BPTF: variants seen among roughly 807,000 people sequenced by gnomAD.
The protein encoded by BPTF is nucleosome-remodeling factor subunit BPTF.
Under a neutral mutation model 292.5 loss-of-function variants are expected in BPTF, and 18 were observed. That is an observed-to-expected ratio of 0.06 (90% CI 0.04 to 0.09). The LOEUF (loss-of-function observed/expected upper bound fraction) is 0.09, where lower values mean the gene tolerates loss of function less well. Ranked by LOEUF, BPTF falls within the 10% of genes least tolerant of loss-of-function variation. The pLI, the probability that BPTF is intolerant of heterozygous loss-of-function variation, is 1.00. For missense variants in BPTF, 2,726 were observed against 3,498.7 expected (o/e 0.78, Z 5.57); for synonymous variants, 1,225 against 1,251.9 (o/e 0.98, Z 0.45).
intron 23 of BPTF, among the ~76,000 whole-genome samples, chr17:67,957,549 A>T (rs116115857): frequency 0.015 from 2,219 of 152,310 alleles, 58 homozygotes; most frequent in African/African-American, 0.05. Flanking sequence ...AAGAATTTTT[A>T]AAAAAATTTT....
At chr17:67,863,347 C>T (rs189378346) in intron 2 of BPTF, among the ~76,000 whole-genome samples, 239 of 152,224 alleles carry the variant, frequency 1.6e-3, no homozygotes, top group African/African-American at 5.3e-3. Context: ...TGCAGTGGCA[C>T]GATCTCGGCT....
At position 67,945,460 on chromosome 17, in the gene BPTF, A is replaced by C. The variant is rs782497289; in HGVS notation, c.6752A>C (p.Gln2251Pro). 1.5e-5 allele frequency: 24 copies of C among 1,613,996 alleles called. No individual in the cohort carries two copies. The highest frequency in any genetic ancestry group is 1.9e-5 in the Non-Finnish European group (23 of 1,180,016). ...SKLSPQMQVH[Q>P]DKTLPPAQSS... ...CTGTCACCCCAGATGCAGGTACATC[A>C]AGACAAAACCCTGCCACCAGCTCAG... Residue 2251 changes from glutamine to proline, a missense_variant, in exon 21 of 28, where the codon CAA becomes CCA. Physicochemically the swap from Gln to Pro is moderately conservative, Grantham distance 76 (BLOSUM62 -1). This residue lies in a region of BPTF where 570 missense variants were observed against 633.5 expected (regional missense o/e 0.90). Transcript: ENST00000306378.
chr17:67,826,487 G>C, intron 1 of BPTF, 150 bp downstream of exon 1: 1 of 870,638 alleles, frequency 1.1e-6, no homozygotes, highest in Non-Finnish European at 1.6e-6. Flanking sequence ...ACATCAAGTG[G>C]CAAAAAACTA....
At chr17:67,944,869 C>G (rs1555673640) in intron 20 of BPTF, among the ~76,000 whole-genome samples, 1 of 152,062 alleles carries the variant, frequency 6.6e-6, no homozygotes. Context: ...GAGGCTGCAA[C>G]TTACTTTGGA....
At chr17:67,846,335 G>A (rs2058029374) in intron 1 of BPTF, among the ~76,000 whole-genome samples, 1 of 152,152 alleles carries the variant, frequency 6.6e-6, no homozygotes, top group Non-Finnish European at 1.5e-5. Context: ...TTTTAGCTTT[G>A]TGTTGACAAC....
intron 1 of BPTF, among the ~76,000 whole-genome samples, chr17:67,834,864 G>A (rs2057002350): frequency 6.6e-6 from 1 of 152,054 alleles, no homozygotes; most frequent in South Asian, 2.1e-4. Flanking sequence ...TTCTTTTCAC[G>A]CTCTATACTG....
intron 1 of BPTF, among the ~76,000 whole-genome samples, chr17:67,827,367 G>A (rs2056180115): frequency 1.3e-5 from 2 of 152,076 alleles, no homozygotes; most frequent in African/African-American, 4.8e-5. Context: ...TTTTCTCACA[G>A]AAAGTTTCTC....
chr17:67,927,802 G>A (rs559992438), intron 15 of BPTF, among the ~76,000 whole-genome samples: 2 of 152,192 alleles, frequency 1.3e-5, no homozygotes, highest in Non-Finnish European at 2.9e-5. Flanking sequence ...GTGGTATAGA[G>A]ACATGAAAAT....
At position 67,944,386 on chromosome 17, in the gene BPTF, T is replaced by C; in HGVS notation, c.6700+14T>C. 6.2e-7 allele frequency: 1 copy of C among 1,609,762 alleles called. No homozygotes were observed. Among genetic ancestry groups the C allele is most frequent in the Non-Finnish European group, 8.5e-7 (1 of 1,179,656 alleles). On this transcript the variant is annotated intron_variant, in intron 20 of 27. Coordinates refer to ENST00000306378, the MANE Select transcript of BPTF (RefSeq NM_182641.4). ...CGACAGCAGCAGGTAGAGCTGTGGG[T>C]TTATCGGAAATGTCGGATGTTACTA...
chr17:67,931,583 A>G (rs770066938), intron 17 of BPTF, among the ~76,000 whole-genome samples: 5 of 152,236 alleles, frequency 3.3e-5, no homozygotes, highest in Non-Finnish European at 5.9e-5. Context: ...TCTGGAGCTT[A>G]CAGAAAGTGC....
intron 9 of BPTF, among the ~76,000 whole-genome samples, chr17:67,907,276 A>G (rs1323482444): frequency 6.9e-6 from 1 of 144,950 alleles, no homozygotes; most frequent in East Asian, 2.0e-4. Flanking sequence ...TTTTTTTGTA[A>G]TTATTATGGG....
At chr17:67,898,301 C>T (rs1490342469) in intron 7 of BPTF, among the ~76,000 whole-genome samples, 2 of 152,128 alleles carry the variant, frequency 1.3e-5, no homozygotes, top group Non-Finnish European at 2.9e-5. Context: ...GCAGAGGTTG[C>T]AATGAGCTGA....
chr17:67,931,449 T>G (rs1251465360), intron 17 of BPTF, among the ~76,000 whole-genome samples: 7 of 152,174 alleles, frequency 4.6e-5, no homozygotes, highest in Admixed American at 4.6e-4. Flanking sequence ...CATTCCATCT[T>G]GGGCAACAGA....
intron 1 of BPTF, among the ~76,000 whole-genome samples, chr17:67,837,132 C>G (rs889136554): frequency 6.6e-6 from 1 of 152,070 alleles, no homozygotes; most frequent in Non-Finnish European, 1.5e-5. Flanking sequence ...TGAAGTGCCC[C>G]CCTTTTTATT....
chr17:67,845,515 G>A (rs1485496170), intron 1 of BPTF, among the ~76,000 whole-genome samples: 3 of 152,210 alleles, frequency 2.0e-5, no homozygotes, highest in Non-Finnish European at 2.9e-5. Flanking sequence ...GTTCACGCTT[G>A]TAATCCTAGC....
intron 15 of BPTF, 110 bp from the exon 16 acceptor site, chr17:67,928,245 G>A: frequency 8.6e-7 from 1 of 1,156,412 alleles, no homozygotes; most frequent in Non-Finnish European, 1.2e-6. Context: ...CTTCAGAAAT[G>A]TAGTGGAATT....
At chr17:67,826,929 A>G (rs751841332) in intron 1 of BPTF, among the ~76,000 whole-genome samples, 3 of 152,120 alleles carry the variant, frequency 2.0e-5, no homozygotes, top group Non-Finnish European at 4.4e-5. Context: ...GGGGAACCTT[A>G]TCTGGTCCTG....
At chr17:67,960,236 G>T (rs2148311215) in intron 24 of BPTF, 1 of 167,592 alleles carries the variant, frequency 6.0e-6, no homozygotes, top group East Asian at 1.7e-4. Context: ...TCTGGGATCT[G>T]TTCAAAGCCC....
intron 10 of BPTF, among the ~76,000 whole-genome samples, chr17:67,910,246 T>G (rs1190029538): frequency 6.6e-6 from 1 of 152,242 alleles, no homozygotes; most frequent in Non-Finnish European, 1.5e-5. Context: ...TGCCACATTT[T>G]GTTATCCATT....
Sources: gnomAD v4.1 joint callset for allele counts (sites outside exome capture counted in the v4.1 genomes callset) on GRCh38, gnomAD v4.1.1 for gene constraint, gnomAD v4.1.1 regional missense constraint, MANE v1.5 for transcripts, NCBI Gene and HGNC (gene_info 2026-07-23, HGNC 2026-07-21) for gene names.